Variants in PLXNA4 observed in about 807,000 individuals in gnomAD.
PLXNA4 encodes the protein plexin-A4.
Under a neutral mutation model 191.8 loss-of-function variants are expected in PLXNA4, and 44 were observed. The observed-to-expected ratio is 0.23, with a 90% confidence interval of 0.18 to 0.29. The LOEUF (loss-of-function observed/expected upper bound fraction) is 0.29. PLXNA4 is among the 10% of genes least tolerant of loss of function. The probability of loss-of-function intolerance (pLI) is 1.00; values close to 1 mark genes in which losing one functional copy is unlikely to be tolerated. For synonymous variants in PLXNA4, 1,082 were observed against 1,009.5 expected, an observed-to-expected ratio of 1.07 and a Z score of -1.36; for missense variants, 1,800 against 2,488.8, an observed-to-expected ratio of 0.72 and a Z score of 5.89.
chr7:132,130,824 CTG>C (rs1457923249), intron 31 of PLXNA4, among the ~76,000 whole-genome samples: 1 of 152,160 alleles, frequency 6.6e-6, no homozygotes, highest in Non-Finnish European at 1.5e-5. Flanking sequence ...GTCTGAATGA[CTG>C]TGTGCATTCT....
intron 1 of PLXNA4, among the ~76,000 whole-genome samples, chr7:132,524,564 C>A (rs1799322955): frequency 6.6e-6 from 1 of 152,190 alleles, no homozygotes; most frequent in South Asian, 2.1e-4. Flanking sequence ...ATAACTCACA[C>A]TAAGAGCAAG....
At chr7:132,540,282 G>A (rs1037402231) in intron 1 of PLXNA4, among the ~76,000 whole-genome samples, 20 of 152,164 alleles carry the variant, frequency 1.3e-4, no homozygotes, top group Admixed American at 1.2e-3. Context: ...CATGGGACAC[G>A]TCTCCTGCTC....
chr7:132,380,012 T>C (rs953830448), intron 3 of PLXNA4, among the ~76,000 whole-genome samples: 3 of 152,150 alleles, frequency 2.0e-5, no homozygotes, highest in South Asian at 2.1e-4. Context: ...AATATAACAG[T>C]GGCTTAATAT....
chr7:132,424,821 C>T (rs10250642), intron 3 of PLXNA4, among the ~76,000 whole-genome samples: 16 of 152,140 alleles, frequency 1.1e-4, no homozygotes, highest in Admixed American at 3.3e-4. Flanking sequence ...AGGAAAAAAA[C>T]GAGGTTCTGC....
Position 132,126,901 on chromosome 7 carries a change from C to T in PLXNA4, c.*3578G>A, listed in dbSNP as rs1436400502. The stretch of plus-strand genomic sequence containing the variant: ...AAGAAGAAGGCAAGAAAATATTTTC[C>T]TGAGGAAGTAACTGGCATGATGGCC... On this transcript the variant is annotated 3_prime_UTR_variant, in exon 32 of 32. Transcript: ENST00000321063. 6.6e-6 allele frequency: 1 copy of T among 152,134 alleles called. No homozygotes were observed. The highest frequency in any genetic ancestry group is 2.4e-5 in the African/African-American group (1 of 41,404). The allele number at this position is 152,134 out of a possible 1,614,324, so 9.4% of individuals were successfully genotyped here. A position where few individuals can be genotyped will look rare whatever the true frequency, so the allele number is the denominator to read the frequency against.
At chr7:132,284,199 T>C (rs1800595851) in intron 4 of PLXNA4, among the ~76,000 whole-genome samples, 2 of 152,280 alleles carry the variant, frequency 1.3e-5, no homozygotes, top group South Asian at 2.1e-4. Context: ...TACATATCTA[T>C]ACATCTGCTC....
chr7:132,569,927 G>A (rs62465164), intron 1 of PLXNA4, among the ~76,000 whole-genome samples: 1 of 152,220 alleles, frequency 6.6e-6, no homozygotes, highest in East Asian at 1.9e-4. Context: ...CAAAGGTTCA[G>A]TGGAAATTTT....
chr7:132,517,463 C>A (rs1002013014), intron 1 of PLXNA4, among the ~76,000 whole-genome samples: 1 of 152,180 alleles, frequency 6.6e-6, no homozygotes, highest in African/African-American at 2.4e-5. Flanking sequence ...AGAAAGAAAC[C>A]TTTACTGTGA....
chr7:132,427,749 C>T (rs549665324), intron 3 of PLXNA4, among the ~76,000 whole-genome samples: 2 of 152,322 alleles, frequency 1.3e-5, no homozygotes, highest in African/African-American at 4.8e-5. Flanking sequence ...ACCCTATTCT[C>T]CTGCCCGATG....
intron 3 of PLXNA4, among the ~76,000 whole-genome samples, chr7:132,373,544 T>C (rs1449570036): frequency 6.6e-6 from 1 of 152,232 alleles, no homozygotes; most frequent in Admixed American, 6.5e-5. Flanking sequence ...CTGGCTTGTC[T>C]TATTTTCCAC....
At chr7:132,325,437 T>C (rs1248663261) in intron 3 of PLXNA4, among the ~76,000 whole-genome samples, 2 of 152,158 alleles carry the variant, frequency 1.3e-5, no homozygotes, top group African/African-American at 4.8e-5. Context: ...TATGCTGAGA[T>C]CCTAAGCCCC....
intron 3 of PLXNA4, among the ~76,000 whole-genome samples, chr7:132,369,413 G>A (rs1804332402): frequency 6.6e-6 from 1 of 152,152 alleles, no homozygotes; most frequent in African/African-American, 2.4e-5. Flanking sequence ...GAGAACAGAG[G>A]GAGTGCTGGT....
intron 3 of PLXNA4, among the ~76,000 whole-genome samples, chr7:132,346,985 A>ATCC (rs1259290776): frequency 1.3e-5 from 2 of 152,230 alleles, no homozygotes; most frequent in Admixed American, 1.3e-4. Context: ...AGAAAACTGC[A>ATCC]TCCCTTTGCT....
intron 3 of PLXNA4, among the ~76,000 whole-genome samples, chr7:132,431,155 A>C (rs560795277): frequency 1.6e-4 from 24 of 152,196 alleles, no homozygotes; most frequent in Non-Finnish European, 3.4e-4. Flanking sequence ...TAAACATGTG[A>C]AGTGCTTACC....
chr7:132,262,119 T>C (rs1436410778), intron 4 of PLXNA4, among the ~76,000 whole-genome samples: 1 of 152,160 alleles, frequency 6.6e-6, no homozygotes, highest in Non-Finnish European at 1.5e-5. Flanking sequence ...TTTCCCTTCT[T>C]GAACTTGACC....
At chr7:132,371,850 A>G (rs1585047881) in intron 3 of PLXNA4, among the ~76,000 whole-genome samples, 3 of 152,306 alleles carry the variant, frequency 2.0e-5, no homozygotes, top group Admixed American at 6.5e-5. Flanking sequence ...GCCACTGAAG[A>G]GTGCTTTAAT....
chr7:132,408,462 T>C (rs1412179717), intron 3 of PLXNA4, among the ~76,000 whole-genome samples: 2 of 151,836 alleles, frequency 1.3e-5, no homozygotes, highest in Non-Finnish European at 2.9e-5. Context: ...ATTTATTTAT[T>C]TATTTATTTA....
intron 2 of PLXNA4, among the ~76,000 whole-genome samples, chr7:132,600,194 C>A (rs1357445471): frequency 6.6e-6 from 1 of 152,054 alleles, no homozygotes; most frequent in Non-Finnish European, 1.5e-5. Context: ...AACTTTTATT[C>A]CTTCTCTTTT....
intron 1 of PLXNA4, among the ~76,000 whole-genome samples, chr7:132,570,476 G>C (rs528047994): frequency 1.3e-5 from 2 of 152,282 alleles, no homozygotes; most frequent in South Asian, 4.1e-4. Context: ...TCACCTTCTA[G>C]TTTGAGCCTC....
Sources: allele counts gnomAD v4.1 joint callset (sites outside exome capture counted in the v4.1 genomes callset), GRCh38; gene constraint gnomAD v4.1.1; transcripts MANE v1.5; gene names NCBI Gene and HGNC (gene_info 2026-07-23, HGNC 2026-07-21).